TXNDC11: variants seen among roughly 807,000 people sequenced by gnomAD.
TXNDC11 encodes thioredoxin domain containing 11.
Under a neutral mutation model 78.0 loss-of-function variants are expected in TXNDC11, and 68 were observed. The observed-to-expected ratio is 0.87, with a 90% CI of 0.72 to 1.07. TXNDC11 has a LOEUF of 1.07. Ranked by LOEUF, TXNDC11 falls within the 50% of genes least tolerant of loss-of-function variation. TXNDC11 has a pLI of 0.00. For synonymous variants in TXNDC11, 571 were observed against 495.2 expected, an observed-to-expected ratio of 1.15 and a Z score of -2.03; for missense variants, 1,389 against 1,221.8, an observed-to-expected ratio of 1.14 and a Z score of -2.04.
intron 4 of TXNDC11, among the ~76,000 whole-genome samples, chr16:11,727,200 TTTTC>T (rs2051908163): frequency 6.6e-6 from 1 of 152,308 alleles, no homozygotes; most frequent in East Asian, 1.9e-4. Context: ...AATCAATTTT[TTTTC>T]TTTTTTTTTC....
chr16:11,734,726 G>A (rs1385472712), intron 2 of TXNDC11, among the ~76,000 whole-genome samples: 1 of 152,232 alleles, frequency 6.6e-6, no homozygotes, highest in African/African-American at 2.4e-5. Flanking sequence ...CGTGAACTTT[G>A]TTCTCTAAAT....
chr16:11,709,259 C>T lies in TXNDC11; in HGVS notation c.794-8695G>A, dbSNP rs372958143. On this transcript the variant is annotated intron_variant, in intron 5 of 11. Coordinates refer to ENST00000283033, the MANE Select transcript of TXNDC11 (RefSeq NM_015914.7). Reference sequence around the variant, plus strand: ...AACATGTAACTTATAAGCTGTGATTCTTTTTTTTTTGAGACAGAGTCTCGC... The same window carrying T: ...AACATGTAACTTATAAGCTGTGATTTTTTTTTTTTTGAGACAGAGTCTCGC... Among the ~76,000 whole-genome samples, 36 of 142,288 alleles carry T rather than the reference C, an allele frequency of 2.5e-4. 1 individual carries two copies. The highest frequency in any genetic ancestry group is 1.7e-3 in the South Asian group (8 of 4,578). 93.3% of individuals were successfully genotyped at this position (142,288 alleles called of 152,430 possible). A position where few individuals can be genotyped will look rare whatever the true frequency, so the allele number is the denominator to read the frequency against.
At chr16:11,702,231 C>G (rs928739739) in intron 5 of TXNDC11, among the ~76,000 whole-genome samples, 5 of 151,830 alleles carry the variant, frequency 3.3e-5, no homozygotes, top group African/African-American at 9.7e-5. Flanking sequence ...ATGTGTGAAG[C>G]TTTCATTTTT....
Position 11,729,812 on chromosome 16 carries a change from G to A in TXNDC11, c.699+833C>T, listed in dbSNP as rs187274098. ...TAACATGCATTAAAGATCCTACAGG[G>A]CTGGGCGTGGCGTCCCACACCTGCA... On this transcript the variant is annotated intron_variant, in intron 4 of 11. Transcript: ENST00000283033. 2.1e-3 allele frequency among the ~76,000 whole-genome samples: 320 copies of A among 152,290 alleles called. 2 individuals are homozygous for A. Among genetic ancestry groups the A allele is most frequent in the Non-Finnish European group, 1.6e-3 (108 of 68,016 alleles).
At chr16:11,737,248 C>T (rs1250141967) in intron 1 of TXNDC11, among the ~76,000 whole-genome samples, 1 of 151,512 alleles carries the variant, frequency 6.6e-6, no homozygotes, top group African/African-American at 2.4e-5. Context: ...GAGTTCAAGA[C>T]CAGCCTGGCC....
chr16:11,722,536 A>G (rs2141091775), intron 4 of TXNDC11, among the ~76,000 whole-genome samples: 1 of 152,144 alleles, frequency 6.6e-6, no homozygotes, highest in East Asian at 1.9e-4. Context: ...CTGGACTTGG[A>G]GTCAGAAGAC....
rs2141978980 is a variant in TXNDC11, at chr16:11,688,221, GCTGCTCACCC to G, written c.2043+72_2043+81del. 4.7e-6 allele frequency: 7 copies of G among 1,477,742 alleles called. No homozygotes were observed. The Middle Eastern group carries it at 7.2e-4, about 152-fold the overall frequency. The allele number at this position is 1,477,742 out of a possible 1,614,324, so 91.5% of individuals were successfully genotyped here. A position where few individuals can be genotyped will look rare whatever the true frequency, so the allele number is the denominator to read the frequency against. On this transcript the variant is annotated intron_variant, in intron 9 of 11. Transcript: ENST00000283033. ...GTTACTCTTCTATACATCAAAAACAGCTGCTCACCCCAACAACTGTAGTTTGGAAATTATT... is the reference window on the plus strand; with the variant it reads ...GTTACTCTTCTATACATCAAAAACAGCAACAACTGTAGTTTGGAAATTATT...
chr16:11,703,787 C>A (rs2051101676), intron 5 of TXNDC11: 1 of 698,350 alleles, frequency 1.4e-6, no homozygotes, highest in Non-Finnish European at 2.6e-6. Flanking sequence ...CCTGAAATAT[C>A]TTGTATCAGA....
At position 11,679,859 on chromosome 16, in the gene TXNDC11, G is replaced by A. The variant is rs757596818; in HGVS notation, c.2235-22C>T. 2 of 1,591,252 alleles carry A rather than the reference G, an allele frequency of 1.3e-6. No homozygotes were observed. The highest frequency in any genetic ancestry group is 2.3e-5 in the South Asian group (2 of 88,452). ...CTTTCTGGAGAGAGAGGGAAAGGAAGCAAAGACAGGAGTCACACCAACACA... is the reference window on the plus strand; with the variant it reads ...CTTTCTGGAGAGAGAGGGAAAGGAAACAAAGACAGGAGTCACACCAACACA... On this transcript the variant is annotated intron_variant, in intron 11 of 11. Coordinates refer to ENST00000283033, the MANE Select transcript of TXNDC11 (RefSeq NM_015914.7). The surrounding 1 kb of genome is among the most constrained non-coding windows in gnomAD (Gnocchi z 4.6).
intron 7 of TXNDC11, among the ~76,000 whole-genome samples, chr16:11,695,056 G>A (rs1344532): frequency 0.12 from 17,540 of 152,204 alleles, 2,378 homozygotes; most frequent in African/African-American, 0.32. Flanking sequence ...TTTAAAATAG[G>A]AAACAAGTCA....
At chr16:11,719,460 GACAA>G (rs1161488189) in intron 5 of TXNDC11, among the ~76,000 whole-genome samples, 3 of 152,028 alleles carry the variant, frequency 2.0e-5, no homozygotes, top group African/African-American at 7.3e-5. Context: ...ATGTCTCCCA[GACAA>G]ACAATGTGAA....
At position 11,730,653 on chromosome 16, in the gene TXNDC11, T is replaced by C. The variant is rs140898293; in HGVS notation, c.691A>G (p.Asn231Asp). 7.9e-5 allele frequency: 128 copies of C among 1,613,498 alleles called. 1 individual carries two copies. In the East Asian group the frequency reaches 2.1e-3, roughly 26 times the overall value. The change falls in exon 4 of 12, where the codon AAC becomes GAC. Residue 231 changes from asparagine (N) to aspartate (D), a missense_variant. Transcript: ENST00000283033. ...ATATGAAAGACAAGTACCTCGTAGTTTGAGAGAAAATCTAGTAATTCTGAT... is the reference window on the plus strand; with the variant it reads ...ATATGAAAGACAAGTACCTCGTAGTCTGAGAGAAAATCTAGTAATTCTGAT... ...SQSELLDFLS[N>D]YEPGVLGYFE...
At chr16:11,681,851 G>A (rs1212360028) in intron 11 of TXNDC11, among the ~76,000 whole-genome samples, 4 of 152,188 alleles carry the variant, frequency 2.6e-5, no homozygotes, top group Admixed American at 6.5e-5. Flanking sequence ...TCCTCCCAAG[G>A]ACAGGCTCTT....
chr16:11,683,694 T>C (rs1233924403), intron 11 of TXNDC11, among the ~76,000 whole-genome samples: 1 of 150,992 alleles, frequency 6.6e-6, no homozygotes, highest in Non-Finnish European at 1.5e-5. Context: ...CTTTAAAAGA[T>C]CCATACCACA....
chr16:11,691,870 G>A lies in TXNDC11; in HGVS notation c.1320C>T (p.Asn440=), dbSNP rs151249031. 243 of 1,614,230 alleles carry A rather than the reference G, an allele frequency of 1.5e-4. 1 individual carries two copies. In the East Asian group the frequency reaches 3.3e-3, roughly 22 times the overall value. Residue 440 remains asparagine, a synonymous_variant, in exon 8 of 12, where the codon AAC becomes AAT. Coordinates refer to ENST00000283033, the MANE Select transcript of TXNDC11 (RefSeq NM_015914.7). The part of the protein sequence containing the change: ...PQWHSFSRTH[N]VCELCVNQTS... ...TCTGGTTGACACAGAGTTCACAGAC[G>A]TTGTGGGTCCTGGAGAAGGAGTGCC...
At position 11,742,529 on chromosome 16, in the gene TXNDC11, C is replaced by T. The variant is rs750818600; in HGVS notation, c.202G>A (p.Gly68Arg). 4 of 1,461,572 alleles carry T rather than the reference C, an allele frequency of 2.7e-6. No homozygotes were observed. The highest frequency in any genetic ancestry group is 3.6e-6 in the Non-Finnish European group (4 of 1,114,560). 90.5% of individuals were successfully genotyped at this position (1,461,572 alleles called of 1,614,324 possible). The stretch of plus-strand genomic sequence containing the variant: ...AGCGCGCAGCCGAGCGCCACGGCCC[C>T]GCAGAGCAGCTCCGGCCGCTGGCGC... ...MARQRPELLC[G>R]AVALGCALLL... is the part of the protein sequence containing the mutation. The change falls in exon 1 of 12, where the codon GGG (glycine) becomes AGG (arginine). Residue 68 changes from glycine (G) to arginine (R), a missense_variant. Gly to Arg is a moderately radical substitution (Grantham distance 125). Transcript: ENST00000283033.
chr16:11,734,845 A>C (rs4780399), intron 2 of TXNDC11, among the ~76,000 whole-genome samples: 4 of 151,908 alleles, frequency 2.6e-5, no homozygotes, highest in Non-Finnish European at 4.4e-5. Flanking sequence ...TGAGCAGGAG[A>C]GTCTTAGAAA....
chr16:11,688,742 A>G (rs1347982946), intron 8 of TXNDC11, among the ~76,000 whole-genome samples: 2 of 152,194 alleles, frequency 1.3e-5, no homozygotes, highest in African/African-American at 4.8e-5. Context: ...ACACCAAGTG[A>G]GACTGTATAA....
At chr16:11,690,161 C>CATACACTGACCCTCCCTCCCGT (rs1273178636) in intron 8 of TXNDC11, 1 of 152,208 alleles carries the variant, frequency 6.6e-6, no homozygotes, top group Non-Finnish European at 1.5e-5. Context: ...CTCCATTCGG[C>CATACACTGACCCTCCCTCCCGT]ATACACTGAC....
Sources: gnomAD v4.1 joint callset for allele counts (sites outside exome capture counted in the v4.1 genomes callset) on GRCh38, gnomAD v4.1.1 for gene constraint, Gnocchi (gnomAD v3.1) non-coding constraint, MANE v1.5 for transcripts, NCBI Gene and HGNC (gene_info 2026-07-23, HGNC 2026-07-21) for gene names.